The following SFMBT1 variants were observed in gnomAD, a reference collection of about 807,000 sequenced individuals.
SFMBT1 encodes the protein Scm like with four mbt domains 1, also known as scm-like with four MBT domains protein 1.
Under a neutral mutation model 108.7 loss-of-function variants are expected in SFMBT1, and 32 were observed. That is an observed-to-expected ratio of 0.29 (90% CI 0.22 to 0.40). The LOEUF is 0.40. Ranked by LOEUF, SFMBT1 falls within the 10% of genes least tolerant of loss-of-function variation. The pLI is 1.00. For synonymous variants in SFMBT1, 348 were observed against 369.5 expected, an observed-to-expected ratio of 0.94 and a Z score of 0.67; for missense variants, 816 against 1,059.6, an observed-to-expected ratio of 0.77 and a Z score of 3.19.
intron 1 of SFMBT1, among the ~76,000 whole-genome samples, chr3:53,034,678 T>C (rs1699808425): frequency 6.6e-6 from 1 of 152,124 alleles, no homozygotes; most frequent in South Asian, 2.1e-4. Flanking sequence ...GGCTCATGCC[T>C]ATAAACCCAG....
intron 2 of SFMBT1, among the ~76,000 whole-genome samples, chr3:52,962,930 T>C (rs191829682): frequency 6.6e-6 from 1 of 151,962 alleles, no homozygotes; most frequent in African/African-American, 2.4e-5. Flanking sequence ...GTAATAAAAC[T>C]GGCTATATAT....
chr3:52,922,230 T>A (rs1448303134), intron 10 of SFMBT1, among the ~76,000 whole-genome samples: 1 of 152,206 alleles, frequency 6.6e-6, no homozygotes, highest in Non-Finnish European at 1.5e-5. Context: ...GTTGACTCAC[T>A]TCCCCTCATA....
At chr3:52,910,768 C>T (rs1234749872) in intron 17 of SFMBT1, among the ~76,000 whole-genome samples, 1 of 152,148 alleles carries the variant, frequency 6.6e-6, no homozygotes, top group Non-Finnish European at 1.5e-5. Flanking sequence ...GGATTACAGG[C>T]ATGAGCCACC....
intron 2 of SFMBT1, among the ~76,000 whole-genome samples, chr3:52,964,895 G>A (rs190247016): frequency 1.2e-4 from 19 of 152,180 alleles, no homozygotes; most frequent in Admixed American, 3.9e-4. Context: ...ATACATATAC[G>A]TACTTAAATA....
intron 1 of SFMBT1, among the ~76,000 whole-genome samples, chr3:52,986,894 C>T (rs943842399): frequency 6.6e-6 from 1 of 151,982 alleles, no homozygotes; most frequent in African/African-American, 2.4e-5. Flanking sequence ...GAGCCGAGAT[C>T]GTGCCACTGC....
chr3:52,993,659 C>G (rs1698209802), intron 1 of SFMBT1, among the ~76,000 whole-genome samples: 1 of 149,408 alleles, frequency 6.7e-6, no homozygotes, highest in Non-Finnish European at 1.5e-5. Flanking sequence ...GTATTTAAAA[C>G]AGATGCACTG....
Position 52,930,927 on chromosome 3 carries a change from T to G in SFMBT1, c.795+14A>C. On this transcript the variant is annotated intron_variant, in intron 7 of 20. Transcript: ENST00000394752. ...AGGGGAGCAATACCGGTCTATCACA[T>G]GTTTTGTTTTTACCTTAAATAAGTA... The G allele has an allele frequency of 6.2e-7, 1 of 1,608,010 alleles. No homozygotes were observed. Among genetic ancestry groups the G allele is most frequent in the Non-Finnish European group, 8.5e-7 (1 of 1,174,624 alleles).
At chr3:52,930,920 T>C in intron 7 of SFMBT1, 21 bp downstream of exon 7, 14 of 1,602,174 alleles carry the variant, frequency 8.7e-6, no homozygotes, top group African/African-American at 1.3e-5. Flanking sequence ...AATACCGGTC[T>C]ATCACATGTT....
intron 1 of SFMBT1, among the ~76,000 whole-genome samples, chr3:52,976,423 C>A (rs965240494): frequency 6.6e-6 from 1 of 152,076 alleles, no homozygotes; most frequent in Non-Finnish European, 1.5e-5. Flanking sequence ...AATTGGCTAT[C>A]CATTTTGGGA....
chr3:52,923,036 C>T (rs554194835), intron 10 of SFMBT1, among the ~76,000 whole-genome samples: 6 of 152,326 alleles, frequency 3.9e-5, no homozygotes, highest in South Asian at 2.1e-4. Flanking sequence ...TTGACAAGCT[C>T]CATCTACCTG....
At position 52,916,218 on chromosome 3, in the gene SFMBT1, G is replaced by T; in HGVS notation, c.1416-4C>A. 1 of 1,613,170 alleles carries T rather than the reference G, an allele frequency of 6.2e-7. No individual in the cohort carries two copies. The highest frequency in any genetic ancestry group is 1.7e-5 in the Admixed American group (1 of 59,952). On this transcript the variant is annotated splice_region_variant and splice_polypyrimidine_tract_variant and intron_variant, in intron 13 of 20. Coordinates refer to ENST00000394752, the MANE Select transcript of SFMBT1 (RefSeq NM_016329.4). The stretch of plus-strand genomic sequence containing the variant: ...GACAGTCCTCGAGGATGGTACTCTG[G>T]GTCAAGAAAACACAGTAAAATAGTG...
At chr3:52,919,805 A>C (rs1702465305) in intron 12 of SFMBT1, among the ~76,000 whole-genome samples, 1 of 152,214 alleles carries the variant, frequency 6.6e-6, no homozygotes, top group African/African-American at 2.4e-5. Flanking sequence ...AACACCCAGC[A>C]AGGAGCTCAG....
At chr3:52,924,648 A>G (rs1301514428) in intron 10 of SFMBT1, among the ~76,000 whole-genome samples, 2 of 109,034 alleles carry the variant, frequency 1.8e-5, no homozygotes, top group Non-Finnish European at 4.0e-5. Context: ...GTCTAAGAAG[A>G]ACAAAAAACA....
chr3:53,030,511 A>G (rs372524376), intron 1 of SFMBT1, among the ~76,000 whole-genome samples: 101 of 152,252 alleles, frequency 6.6e-4, no homozygotes, highest in Non-Finnish European at 1.2e-3. Context: ...AAGCAACAGA[A>G]GAAAAAGTAA....
intron 16 of SFMBT1, 33 bp from the exon 17 acceptor site, chr3:52,911,211 T>C (rs1559507511): frequency 1.9e-6 from 3 of 1,562,212 alleles, no homozygotes; most frequent in Admixed American, 3.9e-5. Flanking sequence ...GCCAAATATA[T>C]TGGGCTAATG....
At chr3:52,962,875 T>C (rs958073088) in intron 2 of SFMBT1, among the ~76,000 whole-genome samples, 3 of 150,956 alleles carry the variant, frequency 2.0e-5, no homozygotes, top group African/African-American at 7.3e-5. Context: ...TCACATATAT[T>C]AGTTTATATT....
intron 1 of SFMBT1, among the ~76,000 whole-genome samples, chr3:52,992,803 T>C (rs1705186029): frequency 6.6e-6 from 1 of 152,252 alleles, no homozygotes; most frequent in Admixed American, 6.5e-5. Flanking sequence ...CCACAGCATT[T>C]TGTGGGACCC....
At chr3:52,982,090 C>A (rs983715624) in intron 1 of SFMBT1, among the ~76,000 whole-genome samples, 1 of 152,014 alleles carries the variant, frequency 6.6e-6, no homozygotes, top group African/African-American at 2.4e-5. Context: ...TGGTGAAGGG[C>A]GTCTACTTGC....
chr3:52,988,528 G>A (rs1705008935), intron 1 of SFMBT1, among the ~76,000 whole-genome samples: 1 of 152,142 alleles, frequency 6.6e-6, no homozygotes, highest in South Asian at 2.1e-4. Context: ...GCAAAACACT[G>A]AGCCAATACC....
Sources: gnomAD v4.1 joint callset for allele counts (sites outside exome capture counted in the v4.1 genomes callset) on GRCh38, gnomAD v4.1.1 for gene constraint, MANE v1.5 for transcripts, NCBI Gene and HGNC (gene_info 2026-07-23, HGNC 2026-07-21) for gene names.